DNAH7: variants seen among roughly 807,000 people sequenced by gnomAD.
DNAH7 encodes axonemal beta dynein heavy chain 7.
Under a neutral mutation model 444.6 loss-of-function variants are expected in DNAH7, and 397 were observed. That is an observed-to-expected ratio of 0.89 (90% CI 0.82 to 0.97). The LOEUF (loss-of-function observed/expected upper bound fraction) is 0.97, where lower values mean the gene tolerates loss of function less well. Ranked by LOEUF, DNAH7 falls within the 50% of genes least tolerant of loss-of-function variation. The probability of loss-of-function intolerance (pLI) is 0.00; values close to 1 mark genes in which losing one functional copy is unlikely to be tolerated. For missense variants in DNAH7, 4,902 were observed against 4,800.8 expected (o/e 1.02, Z -0.62); for synonymous variants, 1,636 against 1,624.4 (o/e 1.01, Z -0.17).
intron 59 of DNAH7, among the ~76,000 whole-genome samples, chr2:195,777,235 A>G (rs907512380): frequency 6.6e-6 from 1 of 152,226 alleles, no homozygotes; most frequent in Non-Finnish European, 1.5e-5. Flanking sequence ...AAGGCAGTGG[A>G]CAGGACTGGA....
intron 47 of DNAH7, among the ~76,000 whole-genome samples, chr2:195,835,381 CA>C (rs58376618): frequency 0.13 from 14,859 of 112,978 alleles, 639 homozygotes; most frequent in Admixed American, 0.17. Flanking sequence ...GTGACTGAGG[CA>C]AAAAAAAAAA....
chr2:195,976,126 G>A (rs1240835404), intron 15 of DNAH7, among the ~76,000 whole-genome samples: 6 of 151,988 alleles, frequency 3.9e-5, no homozygotes, highest in Non-Finnish European at 7.4e-5. Context: ...GTGGGATCTC[G>A]GGATCCCCAA....
intron 17 of DNAH7, among the ~76,000 whole-genome samples, chr2:195,962,979 C>G (rs988446828): frequency 6.6e-6 from 1 of 152,128 alleles, no homozygotes; most frequent in South Asian, 2.1e-4. Flanking sequence ...AGTACACCAT[C>G]GTATACAGAT....
intron 42 of DNAH7, among the ~76,000 whole-genome samples, chr2:195,859,221 T>C (rs1699886791): frequency 6.6e-6 from 1 of 152,194 alleles, no homozygotes; most frequent in African/African-American, 2.4e-5. Flanking sequence ...TCAAAATATA[T>C]TATTTTGAAT....
intron 12 of DNAH7, among the ~76,000 whole-genome samples, chr2:195,988,947 T>A (rs1166594994): frequency 6.6e-6 from 1 of 152,186 alleles, no homozygotes; most frequent in Non-Finnish European, 1.5e-5. Context: ...TATTTGTCTT[T>A]CTGTGTGGCT....
In DNAH7 at chr2:195,864,592, C is replaced by CA. The variant is rs756049817; in HGVS notation, c.7062dup (p.Ala2355CysfsTer5). The CA allele has an allele frequency of 3.7e-6, 6 of 1,614,028 alleles. No homozygotes were observed. In the East Asian group the frequency reaches 1.3e-4, roughly 36 times the overall value. On this transcript the variant is annotated frameshift_variant, in exon 41 of 65. Coordinates refer to ENST00000312428, the MANE Select transcript of DNAH7 (RefSeq NM_018897.3). LOFTEE classifies it high-confidence loss of function. ...AAAACTGAATAATCAGCCATGTGGG[C>CA]AGCTAATCTGGTGACAGACTGCCTT...
intron 63 of DNAH7, among the ~76,000 whole-genome samples, chr2:195,744,720 C>T (rs201463209): frequency 3.9e-5 from 6 of 152,348 alleles, no homozygotes; most frequent in East Asian, 3.9e-4. Context: ...TCTGCAGCCA[C>T]CGCTGCTGTT....
At chr2:195,947,819 T>C (rs1689923964) in intron 19 of DNAH7, among the ~76,000 whole-genome samples, 1 of 152,192 alleles carries the variant, frequency 6.6e-6, no homozygotes, top group Admixed American at 6.5e-5. Context: ...AGTAATGGGA[T>C]TGCTGGGTCA....
rs1697611462 is a variant in DNAH7, at chr2:195,824,350, GC to G, written c.9195del (p.Asp3068ThrfsTer18). 2 of 1,613,908 alleles carry G rather than the reference GC, an allele frequency of 1.2e-6. No homozygotes were observed. The highest frequency in any genetic ancestry group is 1.7e-6 in the Non-Finnish European group (2 of 1,179,918). On this transcript the variant is annotated frameshift_variant, in exon 49 of 65. Coordinates refer to ENST00000312428, the MANE Select transcript of DNAH7 (RefSeq NM_018897.3). LOFTEE classifies it high-confidence loss of function. ...TFKQGGSTCIRLGDSTIEYAP... is the reference protein window; with the variant it reads ...TFKQGGSTCIXLGDSTIEYAP... The stretch of plus-strand genomic sequence containing the variant: ...GCATATTCAATTGTGGAGTCCCCAA[GC>G]CGGATACATGTACTCCCACCCTGCT...
At chr2:196,038,043 A>C (rs1284462583) in intron 5 of DNAH7, among the ~76,000 whole-genome samples, 1 of 152,172 alleles carries the variant, frequency 6.6e-6, no homozygotes, top group Non-Finnish European at 1.5e-5. Flanking sequence ...GGGAATAGCC[A>C]ACCGAAAAAC....
At chr2:195,826,779 C>A (rs916725466) in intron 48 of DNAH7, among the ~76,000 whole-genome samples, 2 of 152,074 alleles carry the variant, frequency 1.3e-5, no homozygotes, top group African/African-American at 2.4e-5. Flanking sequence ...GTCTCATGTA[C>A]AGGAGAGCCC....
intron 20 of DNAH7, among the ~76,000 whole-genome samples, chr2:195,936,114 C>T (rs1360513498): frequency 5.3e-5 from 8 of 152,182 alleles, no homozygotes; most frequent in Admixed American, 3.9e-4. Context: ...TGGCTCACGC[C>T]TGTAATCCCA....
intron 19 of DNAH7, 41 bp from the exon 20 acceptor site, chr2:195,936,833 G>A: frequency 7.7e-7 from 1 of 1,302,014 alleles, no homozygotes. Flanking sequence ...AAAAATATTA[G>A]ATACTAACTC....
intron 63 of DNAH7, among the ~76,000 whole-genome samples, chr2:195,747,565 A>G (rs113784542): frequency 1.3e-5 from 2 of 152,078 alleles, no homozygotes; most frequent in Admixed American, 6.6e-5. Flanking sequence ...ATATCCTTGA[A>G]CATTGATGCA....
Position 195,926,499 on chromosome 2 carries a change from C to G in DNAH7, c.3539G>C (p.Gly1180Ala). 6.2e-7 allele frequency: 1 copy of G among 1,607,574 alleles called. No homozygotes were observed. Among genetic ancestry groups the G allele is most frequent in the Non-Finnish European group, 8.5e-7 (1 of 1,177,388 alleles). ...ERINWVRDWP[G>A]QTVLCVSQIF... ...TTGGGATACACAGAGAACAGTCTGT[C>G]CAGGCCAATCCCTTACCCAGTTAAT... The change falls in exon 22 of 65, where the codon GGA (glycine) becomes GCA (alanine). Residue 1180 changes from glycine to alanine, a missense_variant. Coordinates refer to ENST00000312428, the MANE Select transcript of DNAH7 (RefSeq NM_018897.3).
chr2:196,020,652 C>T (rs1026366745), intron 8 of DNAH7, among the ~76,000 whole-genome samples: 8 of 150,530 alleles, frequency 5.3e-5, no homozygotes, highest in Non-Finnish European at 7.4e-5. Context: ...ACTCTGTTGC[C>T]CAGGCTGGAG....
intron 17 of DNAH7, among the ~76,000 whole-genome samples, chr2:195,964,533 T>G (rs1249152699): frequency 6.7e-6 from 1 of 150,086 alleles, no homozygotes; most frequent in Non-Finnish European, 1.5e-5. Flanking sequence ...ATAGTTTTTT[T>G]TTTTTTTTTT....
Position 195,873,583 on chromosome 2 carries a change from C to A in DNAH7, c.6398G>T (p.Trp2133Leu). ...MYTIFSRILT[W>L]HLEICYKFPD... is the part of the protein sequence containing the mutation. ...GATTACTTACCAGATTTCTAAATGC[C>A]AAGTTAAGATTCTAGAGAAGATTGT... The change falls in exon 39 of 65, where the codon TGG (tryptophan) becomes TTG (leucine). Residue 2133 changes from tryptophan (W) to leucine (L), a missense_variant. Coordinates refer to ENST00000312428, the MANE Select transcript of DNAH7 (RefSeq NM_018897.3). 4 of 1,375,846 alleles carry A rather than the reference C, an allele frequency of 2.9e-6. No homozygotes were observed. The highest frequency in any genetic ancestry group is 3.8e-6 in the Non-Finnish European group (4 of 1,045,348). The allele number at this position is 1,375,846 out of a possible 1,614,324, so 85.2% of individuals were successfully genotyped here. A position where few individuals can be genotyped will look rare whatever the true frequency, so the allele number is the denominator to read the frequency against.
chr2:195,962,793 T>G (rs769725317), intron 17 of DNAH7, among the ~76,000 whole-genome samples: 6 of 152,228 alleles, frequency 3.9e-5, no homozygotes, highest in Non-Finnish European at 7.3e-5. Context: ...TTGGTAACCA[T>G]TCTTCTACTC....
Sources: allele counts gnomAD v4.1 joint callset (sites outside exome capture counted in the v4.1 genomes callset), GRCh38; gene constraint gnomAD v4.1.1; transcripts MANE v1.5; gene names NCBI Gene and HGNC (gene_info 2026-07-23, HGNC 2026-07-21).